The following PIK3R5 variants were observed in gnomAD, a reference collection of about 807,000 sequenced individuals.
The protein encoded by PIK3R5 is phosphoinositide-3-kinase regulatory subunit 5.
PIK3R5 carries 32 observed loss-of-function variants against 94.9 expected under a neutral mutation model. The ratio of observed to expected loss-of-function variants is 0.34; its 90% confidence interval spans 0.25 to 0.45. PIK3R5 has a LOEUF of 0.45. Among genes scored for constraint, PIK3R5 ranks in the 20% least tolerant of loss-of-function variants. PIK3R5 has a pLI of 1.00. For missense variants in PIK3R5, 853 were observed against 1,144.6 expected, an observed-to-expected ratio of 0.75 and a Z score of 3.68; for synonymous variants, 443 against 479.4, an observed-to-expected ratio of 0.92 and a Z score of 0.99.
chr17:8,907,273 C>T (rs912806320), intron 3 of PIK3R5, among the ~76,000 whole-genome samples: 4 of 151,986 alleles, frequency 2.6e-5, no homozygotes, highest in South Asian at 4.2e-4. Context: ...CCTCATGATC[C>T]GCCCGCCTTG....
At chr17:8,953,579 A>G (rs564160803) in intron 1 of PIK3R5, among the ~76,000 whole-genome samples, 1 of 152,310 alleles carries the variant, frequency 6.6e-6, no homozygotes, top group Non-Finnish European at 1.5e-5. Flanking sequence ...CACATTTGGC[A>G]TCAAATGGGT....
intron 1 of PIK3R5, among the ~76,000 whole-genome samples, chr17:8,961,566 C>A (rs533243065): frequency 6.6e-6 from 1 of 152,030 alleles, no homozygotes; most frequent in Non-Finnish European, 1.5e-5. Flanking sequence ...ACCCAGGAGG[C>A]GGAGGTTGCA....
intron 15 of PIK3R5, among the ~76,000 whole-genome samples, chr17:8,883,599 C>T (rs1248824460): frequency 6.6e-6 from 1 of 152,198 alleles, no homozygotes; most frequent in Non-Finnish European, 1.5e-5. Flanking sequence ...TCTTCTCAGC[C>T]TAATTAATTC....
Position 8,888,649 on chromosome 17 carries a change from C to A in PIK3R5, c.1138G>T (p.Val380Phe). Residue 380 changes from valine (V) to phenylalanine (F), a missense_variant, in exon 10 of 19, where the codon GTC becomes TTC. Coordinates refer to ENST00000447110, the MANE Select transcript of PIK3R5 (RefSeq NM_001142633.3). The surrounding 1 kb of genome is among the most constrained non-coding windows in gnomAD (Gnocchi z 7.8). Reference protein sequence around the residue: ...ALSRHLLTSFVSGLSDGMDSG... With the variant: ...ALSRHLLTSFFSGLSDGMDSG... Reference sequence around the variant, plus strand: ...TCCATGCCATCAGAGAGGCCTGAGACAAAGGAAGTCAGCAGATGGCGCGAG... The same window carrying A: ...TCCATGCCATCAGAGAGGCCTGAGAAAAAGGAAGTCAGCAGATGGCGCGAG... 1 of 1,613,706 alleles carries A rather than the reference C, an allele frequency of 6.2e-7. No homozygotes were observed. Among genetic ancestry groups the A allele is most frequent in the Non-Finnish European group, 8.5e-7 (1 of 1,179,868 alleles).
chr17:8,951,831 T>C (rs2091382564), intron 1 of PIK3R5, among the ~76,000 whole-genome samples: 1 of 152,224 alleles, frequency 6.6e-6, no homozygotes, highest in African/African-American at 2.4e-5. Flanking sequence ...CCATATCTAT[T>C]CTCCTTCCTT....
intron 1 of PIK3R5, among the ~76,000 whole-genome samples, chr17:8,952,677 A>G (rs1265982742): frequency 6.6e-6 from 1 of 152,268 alleles, no homozygotes; most frequent in Admixed American, 6.5e-5. Flanking sequence ...ATAAAGTACC[A>G]TGAGAATAAA....
chr17:8,905,651 T>C lies in PIK3R5; in HGVS notation c.273+18A>G. On this transcript the variant is annotated intron_variant, in intron 4 of 18. Transcript: ENST00000447110. ...CCCTCCTCCCTCACCTCCAGCATCCTGGCCCACGTGGACTTACACAAAGAA... is the reference window on the plus strand; with the variant it reads ...CCCTCCTCCCTCACCTCCAGCATCCCGGCCCACGTGGACTTACACAAAGAA... The C allele has an allele frequency of 6.3e-7, 1 of 1,578,476 alleles. No individual in the cohort carries two copies. The highest frequency in any genetic ancestry group is 1.2e-5 in the South Asian group (1 of 85,968).
rs1380651032 is a variant in PIK3R5 at position 8,886,562 on chromosome 17, G to A, written c.1949C>T (p.Thr650Ile). 5 of 1,611,736 alleles carry A rather than the reference G, an allele frequency of 3.1e-6. No homozygotes were observed. The highest frequency in any genetic ancestry group is 1.3e-5 in the African/African-American group (1 of 74,912). Reference protein sequence around the residue: ...AEAQALEGSPTQLPILADMLL... With the variant: ...AEAQALEGSPIQLPILADMLL... Reference sequence around the variant, plus strand: ...CATGTCAGCCAGGATGGGCAGCTGGGTTGGGGAGCCCTCCAGGGCCTGGGC... The same window carrying A: ...CATGTCAGCCAGGATGGGCAGCTGGATTGGGGAGCCCTCCAGGGCCTGGGC... Residue 650 changes from threonine to isoleucine, a missense_variant, in exon 13 of 19, where the codon ACC becomes ATC. By Grantham distance (89) the Thr-to-Ile change is moderately conservative. Transcript: ENST00000447110.
chr17:8,906,659 G>T (rs972715319), intron 3 of PIK3R5, among the ~76,000 whole-genome samples: 2 of 152,246 alleles, frequency 1.3e-5, no homozygotes, highest in Admixed American at 1.3e-4. Context: ...GAGGCAGGTG[G>T]ATCACTTGAG....
chr17:8,952,764 A>G (rs2091398046), intron 1 of PIK3R5, among the ~76,000 whole-genome samples: 2 of 152,356 alleles, frequency 1.3e-5, no homozygotes, highest in East Asian at 1.9e-4. Flanking sequence ...TTTCACCTCC[A>G]TCTACTGAGC....
chr17:8,952,874 T>C (rs1205893813), intron 1 of PIK3R5, among the ~76,000 whole-genome samples: 1 of 152,134 alleles, frequency 6.6e-6, no homozygotes, highest in Non-Finnish European at 1.5e-5. Context: ...CTGAGGCCAC[T>C]GAGCTCTGGA....
chr17:8,911,515 G>A lies in PIK3R5; in HGVS notation c.-13-8C>T, dbSNP rs1163025753. ...TGCATCCTGGGTCATCGCCTGCATG[G>A]GGGACAGACGCCGGTCAGCTTGTCG... On this transcript the variant is annotated splice_polypyrimidine_tract_variant and splice_region_variant and intron_variant, in intron 1 of 18. Transcript: ENST00000447110. This position sits in a 1 kb window ranked among gnomAD's most constrained non-coding sequence, Gnocchi z 5.3. 10 of 1,559,054 alleles carry A rather than the reference G, an allele frequency of 6.4e-6. No homozygotes were observed. The highest frequency in any genetic ancestry group is 8.7e-6 in the Non-Finnish European group (10 of 1,144,274).
rs1046793181 is a variant in PIK3R5 at position 8,890,627 on chromosome 17, G to C, written c.657+111C>G. On this transcript the variant is annotated intron_variant, in intron 7 of 18. Coordinates refer to ENST00000447110, the MANE Select transcript of PIK3R5 (RefSeq NM_001142633.3). The surrounding 1 kb of genome is among the most constrained non-coding windows in gnomAD (Gnocchi z 6.1). ...CAGCCACCACCCTGCCATGTCACCTGGGTGCAGGAGACTAAGTGTACCCTG... is the reference window on the plus strand; with the variant it reads ...CAGCCACCACCCTGCCATGTCACCTCGGTGCAGGAGACTAAGTGTACCCTG... 7 of 951,790 alleles carry C rather than the reference G, an allele frequency of 7.4e-6. No homozygotes were observed. The highest frequency in any genetic ancestry group is 1.1e-5 in the Non-Finnish European group (7 of 652,300). 59.0% of individuals were successfully genotyped at this position (951,790 alleles called of 1,614,324 possible). A position where few individuals can be genotyped will look rare whatever the true frequency, so the allele number is the denominator to read the frequency against.
chr17:8,951,520 T>C (rs2091375776), intron 1 of PIK3R5, among the ~76,000 whole-genome samples: 1 of 152,258 alleles, frequency 6.6e-6, no homozygotes, highest in Non-Finnish European at 1.5e-5. Flanking sequence ...TGTGTCTGGC[T>C]TACTTCACTT....
rs540620222 is a variant in PIK3R5 at position 8,964,388 on chromosome 17, C to T, written c.-14+1208G>A. ...CCTGAGTGACAGAGCAAGACCCTGT[C>T]TCAATAATAATAATAATAATAATTC... On this transcript the variant is annotated intron_variant, in intron 1 of 18. Coordinates refer to ENST00000447110, the MANE Select transcript of PIK3R5 (RefSeq NM_001142633.3). Among the ~76,000 whole-genome samples the T allele has an allele frequency of 2.0e-4, 30 of 152,026 alleles. No homozygotes were observed. In the East Asian group the frequency reaches 5.2e-3, roughly 26 times the overall value.
Position 8,890,982 on chromosome 17 carries a change from G to A in PIK3R5, c.483-70C>T, listed in dbSNP as rs1438372408. 10 of 1,438,096 alleles carry A rather than the reference G, an allele frequency of 7.0e-6. No individual in the cohort carries two copies. The highest frequency in any genetic ancestry group is 3.9e-5 in the Admixed American group (2 of 50,856). The allele number at this position is 1,438,096 out of a possible 1,614,324, so 89.1% of individuals were successfully genotyped here. ...ATGCCACAGTGCAGCCACCCCCCTCGTGCCTGCTGGTGCTCAGCTCCACTG... is the reference window on the plus strand; with the variant it reads ...ATGCCACAGTGCAGCCACCCCCCTCATGCCTGCTGGTGCTCAGCTCCACTG... On this transcript the variant is annotated intron_variant, in intron 6 of 18. Transcript: ENST00000447110. This position sits in a 1 kb window ranked among gnomAD's most constrained non-coding sequence, Gnocchi z 6.1.
intron 5 of PIK3R5, among the ~76,000 whole-genome samples, chr17:8,901,687 G>A (rs2090286517): frequency 6.6e-6 from 1 of 151,974 alleles, no homozygotes; most frequent in Admixed American, 6.6e-5. Flanking sequence ...AACAAAAATG[G>A]GATTATAACA....
intron 1 of PIK3R5, among the ~76,000 whole-genome samples, chr17:8,942,647 C>T (rs1314880543): frequency 3.3e-5 from 5 of 151,712 alleles, no homozygotes; most frequent in Non-Finnish European, 7.4e-5. Context: ...GCTCTGTCGC[C>T]CAGGCTGGAG....
chr17:8,909,079 G>C lies in PIK3R5; in HGVS notation c.199C>G (p.Arg67Gly). The stretch of plus-strand genomic sequence containing the variant: ...AATTCCTGACTCCCCCTCACCTCTC[G>C]GGTCTTCTGCAGGATCTGCTCAAGG... ...ILLEQILQKT[R>G]EVQEKGTYDL... Residue 67 changes from arginine to glycine, a missense_variant, in exon 3 of 19, where the codon CGA (arginine) becomes GGA (glycine). Arg to Gly is a moderately radical substitution (Grantham distance 125). Around this residue, in one of 6 missense-constraint regions of PIK3R5, gnomAD observed 108 missense variants for 170.1 expected, o/e 0.63. Transcript: ENST00000447110. The surrounding 1 kb of genome is among the most constrained non-coding windows in gnomAD (Gnocchi z 4.3). 6.3e-7 allele frequency: 1 copy of C among 1,599,126 alleles called. No individual in the cohort carries two copies. The highest frequency in any genetic ancestry group is 8.5e-7 in the Non-Finnish European group (1 of 1,169,636).
Sources: allele counts gnomAD v4.1 joint callset (sites outside exome capture counted in the v4.1 genomes callset), GRCh38; gene constraint gnomAD v4.1.1; regional missense constraint gnomAD v4.1.1; non-coding constraint Gnocchi (gnomAD v3.1); transcripts MANE v1.5; gene names NCBI Gene and HGNC (gene_info 2026-07-23, HGNC 2026-07-21).